NES: variants seen among roughly 807,000 people sequenced by gnomAD.
NES encodes the protein nestin.
A neutral mutation model predicts 35.6 loss-of-function variants in NES; 27 were observed. That is an observed-to-expected ratio of 0.76 (90% CI 0.56 to 1.04). The LOEUF is 1.04. Ranked by LOEUF, NES falls within the 50% of genes least tolerant of loss-of-function variation. NES has a pLI of 0.00. For missense variants in NES, 1,867 were observed against 1,983.6 expected, an observed-to-expected ratio of 0.94 and a Z score of 1.12; for synonymous variants, 822 against 824.2, an observed-to-expected ratio of 1.00 and a Z score of 0.04.
Position 156,671,018 on chromosome 1 carries a change from T to TG in NES, c.3169dup (p.Gln1057ProfsTer14). The TG allele has an allele frequency of 6.2e-7, 1 of 1,612,456 alleles. No homozygotes were observed. Among genetic ancestry groups the TG allele is most frequent in the Non-Finnish European group, 8.5e-7 (1 of 1,179,580 alleles). Reference sequence around the variant, plus strand: ...GGGCTCTATCGCCTCTGGCAGCCCCTGGGGAGCCTGGAGGCCTGGGGCCCC... The same window carrying TG: ...GGGCTCTATCGCCTCTGGCAGCCCCTGGGGGAGCCTGGAGGCCTGGGGCCCC... On this transcript the variant is annotated frameshift_variant, in exon 4 of 4. Transcript: ENST00000368223. LOFTEE classifies it low-confidence loss of function (END_TRUNC).
rs919147996 is a variant in NES, at chr1:156,669,637, T to C, written c.4551A>G (p.Leu1517=). The C allele has an allele frequency of 1.7e-5, 28 of 1,614,020 alleles. No homozygotes were observed. The highest frequency in any genetic ancestry group is 2.3e-5 in the Non-Finnish European group (27 of 1,179,992). The change falls in exon 4 of 4, where the codon CTA becomes CTG. Residue 1517 remains leucine (L), a synonymous_variant. Transcript: ENST00000368223. ...CATCCTCCATCCCACTGGGGATCTC[T>C]AGAGGGCCAGGGACTTTGTCCTCCC... is the stretch of plus-strand genomic sequence containing the variant. The part of the protein sequence containing the change: ...LEREDKVPGP[L]EIPSGMEDAG...
At position 156,675,127 on chromosome 1, in the gene NES, C is replaced by T. The variant is rs74695162; in HGVS notation, c.908+89G>A. 1.0e-3 allele frequency: 1,548 copies of T among 1,500,420 alleles called. 28 individuals are homozygous for T. The East Asian group carries it at 0.029, about 28-fold the overall frequency. The allele number at this position is 1,500,420 out of a possible 1,614,324, so 92.9% of individuals were successfully genotyped here. On this transcript the variant is annotated intron_variant, in intron 2 of 3. Transcript: ENST00000368223. The stretch of plus-strand genomic sequence containing the variant: ...CCAGTGGCAGCAGAGTTGCCATCAC[C>T]TACACCTCTGGTCCCCTTCAGCCAC...
intron 2 of NES, among the ~76,000 whole-genome samples, chr1:156,674,904 T>C (rs770439650): frequency 2.6e-5 from 4 of 152,292 alleles, no homozygotes; most frequent in Non-Finnish European, 5.9e-5. Flanking sequence ...GCTTTGCCCC[T>C]TGGGGGAAGG....
rs1297945287 is a variant in NES, at chr1:156,672,623, T to C, written c.1565A>G (p.Glu522Gly). Residue 522 changes from glutamate (E) to glycine (G), a missense_variant, in exon 4 of 4, where the codon GAA (glutamate) becomes GGA (glycine). Glu to Gly is a moderately conservative substitution (Grantham distance 98). Coordinates refer to ENST00000368223, the MANE Select transcript of NES (RefSeq NM_006617.2). Reference sequence around the variant, plus strand: ...GTTTAGATCCTCTTCTTCCCATATTTCCTGCTGCAAGCTGCTTACCACTTT... The same window carrying C: ...GTTTAGATCCTCTTCTTCCCATATTCCCTGCTGCAAGCTGCTTACCACTTT... ...EGKVVSSLQQ[E>G]IWEEEDLNRK... The C allele has an allele frequency of 7.4e-6, 12 of 1,613,830 alleles. No individual in the cohort carries two copies. Among genetic ancestry groups the C allele is most frequent in the Non-Finnish European group, 1.0e-5 (12 of 1,180,040 alleles).
Position 156,669,331 on chromosome 1 carries a change from C to T in NES, c.4857G>A (p.Gly1619=). The part of the protein sequence containing the change: ...REGDRESWSS[G]ED The stretch of plus-strand genomic sequence containing the variant: ...GGCAGATGGTCTTTTCCTAGTCCTC[C>T]CCTGAGGACCAGGACTCTCTATCTC... Residue 1619 remains glycine (G), a synonymous_variant, in exon 4 of 4, where the codon GGG becomes GGA. Coordinates refer to ENST00000368223, the MANE Select transcript of NES (RefSeq NM_006617.2). 6.4e-7 allele frequency: 1 copy of T among 1,559,098 alleles called. No homozygotes were observed. The highest frequency in any genetic ancestry group is 1.4e-5 in the African/African-American group (1 of 73,232).
chr1:156,675,170 G>GTGTGTGTGCC, intron 2 of NES, 46 bp downstream of exon 2: 1 of 1,594,464 alleles, frequency 6.3e-7, no homozygotes, highest in Non-Finnish European at 8.6e-7. Flanking sequence ...GCCCCAGCAT[G>GTGTGTGTGCC]TGTGTGTGCC....
In NES at chr1:156,672,442, GTCT is replaced by G. The variant is rs1200516046; in HGVS notation, c.1743_1745del (p.Glu581del). The G allele has an allele frequency of 1.2e-6, 2 of 1,611,236 alleles. No homozygotes were observed. The highest frequency in any genetic ancestry group is 2.2e-5 in the East Asian group (1 of 44,866). ...TTTCTAGACTTTTTAGTGTTTCTAAGTCTTCTTCTAAAGACCTCGGACATTCTT... is the reference window on the plus strand; with the variant it reads ...TTTCTAGACTTTTTAGTGTTTCTAAGTCTTCTAAAGACCTCGGACATTCTT... On this transcript the variant is annotated inframe_deletion, in exon 4 of 4. Transcript: ENST00000368223.
chr1:156,671,260 A>T lies in NES; in HGVS notation c.2928T>A (p.Asp976Glu). Residue 976 changes from aspartate (D) to glutamate (E), a missense_variant, in exon 4 of 4, where the codon GAT (aspartate) becomes GAA (glutamate). Transcript: ENST00000368223. Reference protein sequence around the residue: ...PPGMAGVENEDEAELNLREQD... With the variant: ...PPGMAGVENEEEAELNLREQD... Reference sequence around the variant, plus strand: ...GCTCCCTCAGATTCAGCTCTGCCTCATCCTCATTTTCCACTCCAGCCATCC... The same window carrying T: ...GCTCCCTCAGATTCAGCTCTGCCTCTTCCTCATTTTCCACTCCAGCCATCC... The T allele has an allele frequency of 6.2e-7, 1 of 1,613,910 alleles. No homozygotes were observed. Among genetic ancestry groups the T allele is most frequent in the Non-Finnish European group, 8.5e-7 (1 of 1,179,976 alleles).
chr1:156,672,399 A>G lies in NES; in HGVS notation c.1789T>C (p.Leu597=). The G allele has an allele frequency of 6.2e-7, 1 of 1,612,792 alleles. No individual in the cohort carries two copies. The change falls in exon 4 of 4, where the codon TTA becomes CTA. Residue 597 remains leucine, a synonymous_variant. Transcript: ENST00000368223. ...KSLEKENKEL[L]KDVEVVRPLE... is the part of the protein sequence containing the mutation. ...GGTCTCACTACCTCCACATCCTTTA[A>G]TAGCTCTTTATTTTCCTTTTCTAGA...
rs1190066152 is a variant in NES, at chr1:156,669,582, T to G, written c.4606A>C (p.Asn1536His). The G allele has an allele frequency of 6.2e-7, 1 of 1,613,938 alleles. No individual in the cohort carries two copies. The highest frequency in any genetic ancestry group is 1.1e-5 in the South Asian group (1 of 91,058). The change falls in exon 4 of 4, where the codon AAT becomes CAT. Residue 1536 changes from asparagine to histidine, a missense_variant. By Grantham distance (68) the Asn-to-His change is moderately conservative. Coordinates refer to ENST00000368223, the MANE Select transcript of NES (RefSeq NM_006617.2). ...CCCTCCAAGTTGGGACCCTGGCCAT[T>G]AACACCAATGATGTCTGCCCCTGGG... The part of the protein sequence containing the change: ...AGPGADIIGV[N>H]GQGPNLEGKS...
rs779330376 is a variant in NES at position 156,672,307 on chromosome 1, G to A, written c.1881C>T (p.Ser627=). The A allele has an allele frequency of 1.2e-6, 2 of 1,606,166 alleles. No homozygotes were observed. Among genetic ancestry groups the A allele is most frequent in the South Asian group, 1.1e-5 (1 of 89,718 alleles). Residue 627 remains serine (S), a synonymous_variant, in exon 4 of 4, where the codon TCC becomes TCT. Coordinates refer to ENST00000368223, the MANE Select transcript of NES (RefSeq NM_006617.2). The part of the protein sequence containing the change: ...TGKEDTQTLQ[S]LQKENQELMK... Reference sequence around the variant, plus strand: ...TTAGTTCTTGATTCTCCTTTTGCAGGGATTGCAATGTCTGTGTGTCCTCTT... The same window carrying A: ...TTAGTTCTTGATTCTCCTTTTGCAGAGATTGCAATGTCTGTGTGTCCTCTT...
rs3828043 is a variant in NES at position 156,670,711 on chromosome 1, C to T, written c.3477G>A (p.Gly1159=). 443,907 of 1,613,882 alleles carry T rather than the reference C, an allele frequency of 0.28. 63,584 individuals are homozygous for T. The highest frequency in any genetic ancestry group is 0.29 in the Non-Finnish European group (347,463 of 1,179,900). Residue 1159 remains glycine, a synonymous_variant, in exon 4 of 4, where the codon GGG becomes GGA. Coordinates refer to ENST00000368223, the MANE Select transcript of NES (RefSeq NM_006617.2). The stretch of plus-strand genomic sequence containing the variant: ...GAGGCTCCCAAGGGTCTCTGCTCTT[C>T]CCAGGCAGCTCGGAGAACTCTGTCC... ...GLGTEFSELP[G]KSRDPWEPPR...
rs1166071865 is a variant in NES, at chr1:156,670,184, G to A, written c.4004C>T (p.Ala1335Val). 6.2e-7 allele frequency: 1 copy of A among 1,614,062 alleles called. No homozygotes were observed. Among genetic ancestry groups the A allele is most frequent in the Admixed American group, 1.7e-5 (1 of 60,022 alleles). Residue 1335 changes from alanine to valine, a missense_variant, in exon 4 of 4, where the codon GCT becomes GTT. By Grantham distance (64) the Ala-to-Val change is moderately conservative. Transcript: ENST00000368223. The part of the protein sequence containing the change: ...GETGKEGWDP[A>V]VLASEGLEAP... Reference sequence around the variant, plus strand: ...CTCAAGGCCCTCGGAAGCCAGGACAGCAGGATCCCAGCCCTCCTTTCCAGT... The same window carrying A: ...CTCAAGGCCCTCGGAAGCCAGGACAACAGGATCCCAGCCCTCCTTTCCAGT...
Position 156,669,662 on chromosome 1 carries a change from C to T in NES, c.4526G>A (p.Arg1509Lys). 6.2e-7 allele frequency: 1 copy of T among 1,614,072 alleles called. No homozygotes were observed. The highest frequency in any genetic ancestry group is 1.1e-5 in the South Asian group (1 of 91,078). ...TAGAGGGCCAGGGACTTTGTCCTCCCTCTCCAAGGAAACAGGGTCAGACTC... is the reference window on the plus strand; with the variant it reads ...TAGAGGGCCAGGGACTTTGTCCTCCTTCTCCAAGGAAACAGGGTCAGACTC... ...EEESDPVSLE[R>K]EDKVPGPLEI... The change falls in exon 4 of 4, where the codon AGG becomes AAG. Residue 1509 changes from arginine (R) to lysine (K), a missense_variant. Coordinates refer to ENST00000368223, the MANE Select transcript of NES (RefSeq NM_006617.2).
In NES at chr1:156,677,088, C is replaced by A. The variant is rs780769685; in HGVS notation, c.177G>T (p.Glu59Asp). The change falls in exon 1 of 4, where the codon GAG becomes GAT. Residue 59 changes from glutamate to aspartate, a missense_variant. Physicochemically the swap from Glu to Asp is conservative, Grantham distance 45. Coordinates refer to ENST00000368223, the MANE Select transcript of NES (RefSeq NM_006617.2). The surrounding 1 kb of genome is among the most constrained non-coding windows in gnomAD (Gnocchi z 4.5). ...CAACGAGGGCCCGCAGGGCCGCCAG[C>A]TCGTCGTCGGCATGCGCCCGCCAGG... Reference protein sequence around the residue: ...DTSWRAHADDELAALRALVDQ... With the variant: ...DTSWRAHADDDLAALRALVDQ... The A allele has an allele frequency of 6.2e-7, 1 of 1,602,790 alleles. No homozygotes were observed. The highest frequency in any genetic ancestry group is 1.1e-5 in the South Asian group (1 of 89,750).
In NES at chr1:156,673,536, G is replaced by A. The variant is rs761568188; in HGVS notation, c.909-9C>T. ...CAGCCTCCAGGAGGGTCCTGGAGAGGACAGAGGGAAAGTGGGGTCAGCCCT... is the reference window on the plus strand; with the variant it reads ...CAGCCTCCAGGAGGGTCCTGGAGAGAACAGAGGGAAAGTGGGGTCAGCCCT... On this transcript the variant is annotated splice_polypyrimidine_tract_variant and intron_variant, in intron 2 of 3. Coordinates refer to ENST00000368223, the MANE Select transcript of NES (RefSeq NM_006617.2). 6.2e-7 allele frequency: 1 copy of A among 1,601,370 alleles called. No individual in the cohort carries two copies. The highest frequency in any genetic ancestry group is 8.5e-7 in the Non-Finnish European group (1 of 1,171,146).
rs1169794010 is a variant in NES, at chr1:156,677,050, C to T, written c.215G>A (p.Arg72Gln). The T allele has an allele frequency of 1.3e-6, 2 of 1,594,436 alleles. No individual in the cohort carries two copies. Among genetic ancestry groups the T allele is most frequent in the Admixed American group, 1.7e-5 (1 of 58,532 alleles). ...CGCCACCTCGGCCGCGTGCTTCTCC[C>T]GCCAGCGTTGGTCAACGAGGGCCCG... is the stretch of plus-strand genomic sequence containing the variant. ...ALRALVDQRWREKHAAEVARD... is the reference protein window; with the variant it reads ...ALRALVDQRWQEKHAAEVARD... The change falls in exon 1 of 4, where the codon CGG becomes CAG. Residue 72 changes from arginine (R) to glutamine (Q), a missense_variant. Transcript: ENST00000368223. The surrounding 1 kb of genome is among the most constrained non-coding windows in gnomAD (Gnocchi z 4.5).
rs779505175 is a variant in NES, at chr1:156,675,204, C to A, written c.908+12G>T. On this transcript the variant is annotated intron_variant, in intron 2 of 3. Transcript: ENST00000368223. Reference sequence around the variant, plus strand: ...CCTCTGTGTGCCTGGGTGGACAGGGCTCGTCTCGTACCTGTACGTGGCCAC... The same window carrying A: ...CCTCTGTGTGCCTGGGTGGACAGGGATCGTCTCGTACCTGTACGTGGCCAC... 2 of 1,611,600 alleles carry A rather than the reference C, an allele frequency of 1.2e-6. No homozygotes were observed. The highest frequency in any genetic ancestry group is 2.7e-5 in the African/African-American group (2 of 74,882).
chr1:156,671,017 C>G lies in NES; in HGVS notation c.3171G>C (p.Gln1057His). 6.2e-7 allele frequency: 1 copy of G among 1,612,616 alleles called. No individual in the cohort carries two copies. The highest frequency in any genetic ancestry group is 8.5e-7 in the Non-Finnish European group (1 of 1,179,606). The change falls in exon 4 of 4, where the codon CAG becomes CAC. Residue 1057 changes from glutamine (Q) to histidine (H), a missense_variant. By Grantham distance (24) the Gln-to-His change is conservative (BLOSUM62 0). Coordinates refer to ENST00000368223, the MANE Select transcript of NES (RefSeq NM_006617.2). ...GGGGCTCTATCGCCTCTGGCAGCCC[C>G]TGGGGAGCCTGGAGGCCTGGGGCCC... ...QVGAPGLQAP[Q>H]GLPEAIEPLV...
Sources: allele counts gnomAD v4.1 joint callset (sites outside exome capture counted in the v4.1 genomes callset), GRCh38; gene constraint gnomAD v4.1.1; non-coding constraint Gnocchi (gnomAD v3.1); transcripts MANE v1.5; gene names NCBI Gene and HGNC (gene_info 2026-07-23, HGNC 2026-07-21).